The following POU2AF1 variants were observed in gnomAD, a reference collection of about 807,000 sequenced individuals.
The protein encoded by POU2AF1 is POU domain class 2-associating factor 1.
In POU2AF1, 12 loss-of-function variants were observed where a neutral mutation model predicts 26.3. That is an observed-to-expected ratio of 0.46 (90% CI 0.29 to 0.74). The LOEUF (loss-of-function observed/expected upper bound fraction) is 0.74, where lower values mean the gene tolerates loss of function less well. POU2AF1 is among the 30% of genes least tolerant of loss of function. POU2AF1 has a pLI of 0.09. For synonymous variants in POU2AF1, 175 were observed against 148.0 expected, an observed-to-expected ratio of 1.18 and a Z score of -1.32; for missense variants, 297 against 334.5, an observed-to-expected ratio of 0.89 and a Z score of 0.87.
At chr11:111,358,376 TCTCTCA>T (rs143300844) in intron 2 of POU2AF1, among the ~76,000 whole-genome samples, 97 of 18,764 alleles carry the variant, frequency 5.2e-3, no homozygotes, top group African/African-American at 8.0e-3. Flanking sequence ...ACTCACACAC[TCTCTCA>T]CACACACTCC....
At chr11:111,377,002 C>T (rs1861320711) in intron 1 of POU2AF1, among the ~76,000 whole-genome samples, 1 of 152,076 alleles carries the variant, frequency 6.6e-6, no homozygotes. Context: ...GATGAGCTTA[C>T]AATGTGGTCT....
At chr11:111,365,718 G>A (rs910195464) in intron 1 of POU2AF1, among the ~76,000 whole-genome samples, 2 of 152,188 alleles carry the variant, frequency 1.3e-5, no homozygotes, top group Admixed American at 1.3e-4. Context: ...TTAGCTGGGT[G>A]CGGTGGCAGG....
At chr11:111,358,362 A>T (rs1219567734) in intron 2 of POU2AF1, among the ~76,000 whole-genome samples, 14 of 104,360 alleles carry the variant, frequency 1.3e-4, no homozygotes, top group Non-Finnish European at 3.1e-4. Context: ...TCACACTCTC[A>T]CACACTCACA....
rs889612619 is a variant in POU2AF1, at chr11:111,363,712, GA to G, written c.17-4795del. The G allele has an allele frequency of 5.5e-6, 3 of 549,180 alleles. No homozygotes were observed. The African/African-American group carries it at 6.2e-5, about 11-fold the overall frequency. The allele number at this position is 549,180 out of a possible 1,614,324, so 34.0% of individuals were successfully genotyped here. ...ATAAACCAGGAGATTGAAATAATAA[GA>G]TATCAGCAGAGAAGATAGAAGCCCA... On this transcript the variant is annotated intron_variant, in intron 1 of 4. Coordinates refer to ENST00000393067, the MANE Select transcript of POU2AF1 (RefSeq NM_006235.3).
chr11:111,363,993 G>A, intron 1 of POU2AF1: 1 of 985,326 alleles, frequency 1.0e-6, no homozygotes, highest in Non-Finnish European at 1.2e-6. Context: ...TATACCACTG[G>A]AAGTCAAGCC....
intron 1 of POU2AF1, among the ~76,000 whole-genome samples, chr11:111,378,448 T>A (rs1861352715): frequency 6.6e-6 from 1 of 152,174 alleles, no homozygotes; most frequent in Admixed American, 6.5e-5. Context: ...CAGTTATTAG[T>A]AAGGTAAGTC....
At chr11:111,377,563 A>G (rs1035146932) in intron 1 of POU2AF1, among the ~76,000 whole-genome samples, 3 of 152,152 alleles carry the variant, frequency 2.0e-5, no homozygotes, top group Non-Finnish European at 4.4e-5. Context: ...CTCACTTACT[A>G]AGGATAGATC....
intron 1 of POU2AF1, 51 bp from the exon 2 acceptor site, chr11:111,358,969 C>T (rs370815892): frequency 6.4e-7 from 1 of 1,556,516 alleles, no homozygotes; most frequent in Non-Finnish European, 8.6e-7. Flanking sequence ...GACGAGCCCC[C>T]ACCCCAAAGT....
intron 1 of POU2AF1, among the ~76,000 whole-genome samples, chr11:111,376,234 C>T (rs985530910): frequency 1.3e-5 from 2 of 152,350 alleles, no homozygotes; most frequent in African/African-American, 4.8e-5. Flanking sequence ...AGAATCCCCA[C>T]TTCCCAGATA....
Position 111,353,856 on chromosome 11 carries a change from C to T in POU2AF1, c.*405G>A, listed in dbSNP as rs745792737. ...CCTATAATTACCTCCCAAAATGGAA[C>T]AGAATTGAAAAAAGAAGTAAGAAAG... On this transcript the variant is annotated 3_prime_UTR_variant, in exon 5 of 5. Coordinates refer to ENST00000393067, the MANE Select transcript of POU2AF1 (RefSeq NM_006235.3). The T allele has an allele frequency of 6.7e-5, 18 of 267,218 alleles. No homozygotes were observed. Among genetic ancestry groups the T allele is most frequent in the Non-Finnish European group, 2.1e-5 (3 of 146,056 alleles). The allele number at this position is 267,218 out of a possible 1,614,324, so 16.6% of individuals were successfully genotyped here. A position where few individuals can be genotyped will look rare whatever the true frequency, so the allele number is the denominator to read the frequency against.
intron 1 of POU2AF1, among the ~76,000 whole-genome samples, chr11:111,373,539 A>G (rs1861252169): frequency 6.6e-6 from 1 of 152,178 alleles, no homozygotes; most frequent in East Asian, 1.9e-4. Context: ...TTTAAACTTT[A>G]ATTTATTTTT....
chr11:111,353,637 A>T lies in POU2AF1; in HGVS notation c.*624T>A, dbSNP rs1860779148. ...TAGGCCCTTGGCTGACTTTCTCAGG[A>T]GGTGCTGTCGGGGCTGGTCTTCCCG... On this transcript the variant is annotated 3_prime_UTR_variant, in exon 5 of 5. Coordinates refer to ENST00000393067, the MANE Select transcript of POU2AF1 (RefSeq NM_006235.3). The T allele has an allele frequency of 4.3e-6, 1 of 234,184 alleles. No homozygotes were observed. The highest frequency in any genetic ancestry group is 5.6e-5 in the Admixed American group (1 of 17,786). 14.5% of individuals were successfully genotyped at this position (234,184 alleles called of 1,614,324 possible). A position where few individuals can be genotyped will look rare whatever the true frequency, so the allele number is the denominator to read the frequency against.
Position 111,357,633 on chromosome 11 carries a change from G to T in POU2AF1, c.268C>A (p.Gln90Lys). 6.2e-7 allele frequency: 1 copy of T among 1,613,866 alleles called. No individual in the cohort carries two copies. Among genetic ancestry groups the T allele is most frequent in the Non-Finnish European group, 8.5e-7 (1 of 1,179,922 alleles). The change falls in exon 4 of 5, where the codon CAG becomes AAG. Residue 90 changes from glutamine (Q) to lysine (K), a missense_variant. Physicochemically the swap from Gln to Lys is moderately conservative, Grantham distance 53. Transcript: ENST00000393067. ...EAALCAGWLS[Q>K]PTPATLQPLA... ...GGCTGCAGGGTGGCCGGGGTGGGCT[G>T]GGAGAGCCAGCCGGCACACAGGGCA...
chr11:111,358,610 ACT>A (rs1298335036), intron 2 of POU2AF1, among the ~76,000 whole-genome samples, 176 bp downstream of exon 2: 1 of 96,548 alleles, frequency 1.0e-5, no homozygotes, highest in African/African-American at 3.1e-5. Context: ...ACTCTCACAC[ACT>A]GACGCAGATA....
In POU2AF1 at chr11:111,358,822, T is replaced by A; in HGVS notation, c.113A>T (p.His38Leu). 1 of 1,606,862 alleles carries A rather than the reference T, an allele frequency of 6.2e-7. No individual in the cohort carries two copies. Among genetic ancestry groups the A allele is most frequent in the Non-Finnish European group, 8.5e-7 (1 of 1,179,288 alleles). ...VKELLRRKRG[H>L]ASSGAAPAPT... ...TGCAGGTGCTGCCCCACTGCTGGCG[T>A]GGCCTCGCTTCCTCCTCAGCAGTTC... Residue 38 changes from histidine to leucine, a missense_variant, in exon 2 of 5, where the codon CAC (histidine) becomes CTC (leucine). Physicochemically the swap from His to Leu is moderately conservative, Grantham distance 99. Transcript: ENST00000393067.
chr11:111,379,246 G>A lies in POU2AF1; in HGVS notation c.-69C>T, dbSNP rs1487238312. The A allele has an allele frequency of 6.2e-7, 1 of 1,602,468 alleles. No individual in the cohort carries two copies. The highest frequency in any genetic ancestry group is 2.2e-5 in the East Asian group (1 of 44,820). ...TTGGCTTCTTTAATGTGAGACCGGG[G>A]TGTGTTTTCCTCCAGTGGAGCCACC... On this transcript the variant is annotated 5_prime_UTR_variant, in exon 1 of 5. Coordinates refer to ENST00000393067, the MANE Select transcript of POU2AF1 (RefSeq NM_006235.3).
chr11:111,363,892 C>A (rs192949199), intron 1 of POU2AF1: 1 of 985,186 alleles, frequency 1.0e-6, no homozygotes, highest in African/African-American at 1.7e-5. Context: ...GAGTCCATCA[C>A]GGAGGAAAAT....
At chr11:111,358,626 ATT>A (rs1491150354) in intron 2 of POU2AF1, among the ~76,000 whole-genome samples, 160 bp downstream of exon 2, 1 of 98,684 alleles carries the variant, frequency 1.0e-5, no homozygotes, top group Admixed American at 1.2e-4. Context: ...GCAGATACAC[ATT>A]CTCTCTCACA....
chr11:111,357,948 C>G (rs1256484910), intron 2 of POU2AF1, 111 bp from the exon 3 acceptor site: 4 of 1,207,284 alleles, frequency 3.3e-6, no homozygotes. Context: ...ATAGGAATCT[C>G]TCTGGTTAGA....
Sources: gnomAD v4.1 joint callset for allele counts (sites outside exome capture counted in the v4.1 genomes callset) on GRCh38, gnomAD v4.1.1 for gene constraint, MANE v1.5 for transcripts, NCBI Gene and HGNC (gene_info 2026-07-23, HGNC 2026-07-21) for gene names.